Variants in CALN1 observed in about 807,000 individuals in gnomAD.
The protein encoded by CALN1 is calneuron 1.
A neutral mutation model predicts 30.6 loss-of-function variants in CALN1; 17 were observed. The observed-to-expected ratio is 0.56, with a 90% confidence interval of 0.38 to 0.83. The LOEUF is 0.83. Among genes scored for constraint, CALN1 ranks in the 40% least tolerant of loss-of-function variants. The pLI is 0.00. For missense variants in CALN1, 291 were observed against 354.9 expected, an observed-to-expected ratio of 0.82 and a Z score of 1.45; for synonymous variants, 156 against 131.4, an observed-to-expected ratio of 1.19 and a Z score of -1.28.
At chr7:72,054,798 G>A (rs1803142092) in intron 4 of CALN1, among the ~76,000 whole-genome samples, 1 of 151,994 alleles carries the variant, frequency 6.6e-6, no homozygotes, top group South Asian at 2.1e-4. Flanking sequence ...TAATTATTGG[G>A]TACTAGGCTT....
At chr7:72,346,530 A>C (rs1444846066) in intron 2 of CALN1, among the ~76,000 whole-genome samples, 1 of 152,006 alleles carries the variant, frequency 6.6e-6, no homozygotes, top group African/African-American at 2.4e-5. Flanking sequence ...TTATTTATTT[A>C]TTTGAAACGA....
intron 5 of CALN1, among the ~76,000 whole-genome samples, chr7:72,009,239 G>C (rs1799939718): frequency 6.6e-6 from 1 of 152,038 alleles, no homozygotes; most frequent in Non-Finnish European, 1.5e-5. Context: ...ATTTCATCAT[G>C]CTAGGTTAAC....
intron 2 of CALN1, among the ~76,000 whole-genome samples, chr7:72,364,344 C>G (rs921205526): frequency 6.6e-6 from 1 of 152,178 alleles, no homozygotes; most frequent in African/African-American, 2.4e-5. Context: ...TGGGGAAGAA[C>G]TAGCTCTACC....
chr7:72,108,002 T>C (rs934412235), intron 3 of CALN1, among the ~76,000 whole-genome samples: 1 of 152,190 alleles, frequency 6.6e-6, no homozygotes, highest in African/African-American at 2.4e-5. Context: ...AACTTGGTGA[T>C]TTAAGACAAT....
At chr7:71,971,756 AGTATG>A (rs1359424691) in intron 5 of CALN1, among the ~76,000 whole-genome samples, 2 of 151,156 alleles carry the variant, frequency 1.3e-5, no homozygotes, top group Admixed American at 1.3e-4. Flanking sequence ...AAATTAGCCA[AGTATG>A]GTAGCATACA....
intron 2 of CALN1, among the ~76,000 whole-genome samples, chr7:72,301,556 T>C (rs2129555661): frequency 7.2e-6 from 1 of 139,470 alleles, no homozygotes; most frequent in South Asian, 2.2e-4. Flanking sequence ...TGCAGTGTGC[T>C]GAGATCACGC....
At chr7:72,314,156 T>C (rs1407625524) in intron 2 of CALN1, among the ~76,000 whole-genome samples, 1 of 152,166 alleles carries the variant, frequency 6.6e-6, no homozygotes. Context: ...AGCCAGTCTA[T>C]GCACAGAATC....
intron 4 of CALN1, among the ~76,000 whole-genome samples, chr7:72,051,495 A>C (rs1802835825): frequency 6.6e-6 from 1 of 152,216 alleles, no homozygotes; most frequent in Admixed American, 6.5e-5. Context: ...CAAATTAGGA[A>C]AAATTATATC....
chr7:72,189,207 T>C (rs1790429817), intron 3 of CALN1, among the ~76,000 whole-genome samples: 1 of 152,174 alleles, frequency 6.6e-6, no homozygotes, highest in Non-Finnish European at 1.5e-5. Flanking sequence ...GAAATTGACA[T>C]GCTTATGGGT....
intron 5 of CALN1, among the ~76,000 whole-genome samples, chr7:71,892,058 A>G (rs191120364): frequency 6.6e-6 from 1 of 152,336 alleles, no homozygotes; most frequent in East Asian, 1.9e-4. Flanking sequence ...CTGTCTCGGT[A>G]TTCAGAGCTC....
intron 3 of CALN1, among the ~76,000 whole-genome samples, chr7:72,127,548 G>A (rs181619766): frequency 6.6e-5 from 10 of 152,204 alleles, no homozygotes; most frequent in Admixed American, 2.6e-4. Flanking sequence ...TGACAGCAGC[G>A]GAGGAGGGAA....
At chr7:71,919,318 C>T (rs1794824078) in intron 5 of CALN1, among the ~76,000 whole-genome samples, 1 of 152,208 alleles carries the variant, frequency 6.6e-6, no homozygotes, top group African/African-American at 2.4e-5. Flanking sequence ...TAAGACTGTC[C>T]ACCAGCTGGC....
chr7:72,278,908 T>C, intron 2 of CALN1, 98 bp from the exon 3 acceptor site: 2 of 1,466,308 alleles, frequency 1.4e-6, no homozygotes, highest in Non-Finnish European at 1.8e-6. Flanking sequence ...ATGGCCAGTG[T>C]CATTTTAAAA....
At chr7:71,875,354 C>T (rs4719181) in intron 5 of CALN1, among the ~76,000 whole-genome samples, 18,250 of 151,824 alleles carry the variant, frequency 0.12, 1,595 homozygotes, top group East Asian at 0.43. Context: ...GATCAGTTTA[C>T]AGGGAAACCT....
At chr7:71,906,461 G>C (rs1794141963) in intron 5 of CALN1, among the ~76,000 whole-genome samples, 1 of 152,060 alleles carries the variant, frequency 6.6e-6, no homozygotes, top group East Asian at 1.9e-4. Context: ...GCAAAATCCA[G>C]GGCAATAGGG....
chr7:72,409,452 ATC>A (rs1562956380), intron 1 of CALN1, among the ~76,000 whole-genome samples: 1 of 141,794 alleles, frequency 7.1e-6, no homozygotes, highest in Non-Finnish European at 1.5e-5. Context: ...TCTTAAACGG[ATC>A]TCTGTGCCAG....
At chr7:72,045,174 G>A (rs1802390542) in intron 4 of CALN1, among the ~76,000 whole-genome samples, 1 of 152,174 alleles carries the variant, frequency 6.6e-6, no homozygotes, top group Non-Finnish European at 1.5e-5. Flanking sequence ...CAGTGAAGCG[G>A]ATGGAGAAAT....
intron 3 of CALN1, among the ~76,000 whole-genome samples, chr7:72,111,400 G>T (rs1257107322): frequency 6.6e-6 from 1 of 152,194 alleles, no homozygotes; most frequent in Admixed American, 6.5e-5. Flanking sequence ...GCCAAGCAAG[G>T]ACTTGGAAAG....
chr7:72,420,658 C>T (rs923353272), intron 1 of CALN1, among the ~76,000 whole-genome samples: 1 of 144,440 alleles, frequency 6.9e-6, no homozygotes, highest in Non-Finnish European at 1.5e-5. Flanking sequence ...GAGCCTCGCT[C>T]TGTCGCCCAG....
Sources: allele counts gnomAD v4.1 joint callset (sites outside exome capture counted in the v4.1 genomes callset), GRCh38; gene constraint gnomAD v4.1.1; transcripts MANE v1.5; gene names NCBI Gene and HGNC (gene_info 2026-07-23, HGNC 2026-07-21).